Variants in ZNF648 observed in about 807,000 individuals in gnomAD.
ZNF648 encodes the protein zinc finger protein 648.
A neutral mutation model predicts 0.3 loss-of-function variants in ZNF648; 1 was observed. The observed-to-expected ratio is 3.90, with a 90% CI of 1.39 to 18.51. ZNF648 has a LOEUF of 18.51. ZNF648 is among the 30% of genes most tolerant of loss of function. The probability of loss-of-function intolerance (pLI) is 0.11; values close to 1 mark genes in which losing one functional copy is unlikely to be tolerated. For synonymous variants in ZNF648, 376 were observed against 326.8 expected, an observed-to-expected ratio of 1.15 and a Z score of -1.62; for missense variants, 874 against 769.7, an observed-to-expected ratio of 1.14 and a Z score of -1.60.
In ZNF648 at chr1:182,057,517, G is replaced by A. The variant is rs1392292361; in HGVS notation, c.494C>T (p.Pro165Leu). ...ATACTTTCCATTGCTGGGGAAGCTG[G>A]GTGGGACATCCAAGACTGCGTCCTG... Reference protein sequence around the residue: ...ANQDAVLDVPPSFPSNGKYLC... With the variant: ...ANQDAVLDVPLSFPSNGKYLC... Residue 165 changes from proline to leucine, a missense_variant, in exon 2 of 2, where the codon CCC becomes CTC. Transcript: ENST00000339948. 4 of 1,614,202 alleles carry A rather than the reference G, an allele frequency of 2.5e-6. No individual in the cohort carries two copies. The highest frequency in any genetic ancestry group is 3.3e-5 in the Admixed American group (2 of 60,028).
upstream of ZNF648, among the ~76,000 whole-genome samples, chr1:182,065,444 G>GACAGCCTGT (rs1666086424): frequency 6.6e-6 from 1 of 152,154 alleles, no homozygotes; most frequent in Non-Finnish European, 1.5e-5. Context: ...ATTCAGCCTG[G>GACAGCCTGT]ACAGCCTGTT....
chr1:182,061,340 G>A (rs1213155259), intron 1 of ZNF648, among the ~76,000 whole-genome samples: 4 of 152,216 alleles, frequency 2.6e-5, no homozygotes, highest in Admixed American at 2.0e-4. Flanking sequence ...CCAGCCAAGA[G>A]TGGACCAAAT....
In ZNF648 at chr1:182,057,129, G is replaced by A. The variant is rs149285182; in HGVS notation, c.882C>T (p.Leu294=). The A allele has an allele frequency of 1.4e-5, 23 of 1,606,370 alleles. No homozygotes were observed. Among genetic ancestry groups the A allele is most frequent in the Non-Finnish European group, 1.9e-5 (23 of 1,179,660 alleles). The change falls in exon 2 of 2, where the codon CTC becomes CTT. Residue 294 remains leucine, a synonymous_variant. Transcript: ENST00000339948. ...CCGTGTGCAGGCGCCTGTGCTGCTG[G>A]AGTGTGCCGCGGTGGGAGTAGGCCT... is the stretch of plus-strand genomic sequence containing the variant. The part of the protein sequence containing the change: ...CGKAYSHRGT[L]QQHRRLHTGE...
upstream of ZNF648, among the ~76,000 whole-genome samples, chr1:182,065,402 A>G (rs1270473014): frequency 1.3e-5 from 2 of 152,198 alleles, no homozygotes; most frequent in African/African-American, 4.8e-5. Context: ...GGTTCCCACT[A>G]AGTGCCTGCA....
Position 182,057,328 on chromosome 1 carries a change from C to G in ZNF648, c.683G>C (p.Arg228Pro). 1 of 1,608,188 alleles carries G rather than the reference C, an allele frequency of 6.2e-7. No homozygotes were observed. ...SLAAAVLAKA[R>P]NSRKVQNQAG... ...CTGGTTCTGTACTTTCCTGCTGTTC[C>G]GCGCTTTTGCCAGGACCGCGGCAGC... Residue 228 changes from arginine to proline, a missense_variant, in exon 2 of 2, where the codon CGG (arginine) becomes CCG (proline). Arg to Pro is a moderately radical substitution (Grantham distance 103). Transcript: ENST00000339948.
the ZNF648 span, among the ~76,000 whole-genome samples, chr1:182,067,233 G>C: frequency 5.9e-5 from 9 of 152,198 alleles, no homozygotes; most frequent in Non-Finnish European, 1.0e-4. Flanking sequence ...GCACAGTGTA[G>C]TGATGGAGCA....
chr1:182,068,588 A>C, the ZNF648 span, among the ~76,000 whole-genome samples: 1 of 152,200 alleles, frequency 6.6e-6, no homozygotes, highest in Non-Finnish European at 1.5e-5. Context: ...ACAGTTGAAA[A>C]ACATTGTACA....
upstream of ZNF648, among the ~76,000 whole-genome samples, chr1:182,065,592 T>C (rs1225736559): frequency 6.6e-6 from 1 of 152,178 alleles, no homozygotes; most frequent in Non-Finnish European, 1.5e-5. Flanking sequence ...TGGTATGGGA[T>C]AGTCCACCTA....
upstream of ZNF648, chr1:182,064,538 C>G (rs1474365774): frequency 6.6e-6 from 1 of 152,128 alleles, no homozygotes; most frequent in East Asian, 1.9e-4. Flanking sequence ...GTCTCTGAGT[C>G]TGAATATCTG....
intron 1 of ZNF648, 113 bp from the exon 2 acceptor site, chr1:182,058,186 A>G: frequency 1.3e-6 from 1 of 741,070 alleles, no homozygotes; most frequent in African/African-American, 1.8e-5. Flanking sequence ...TCTCCATGTC[A>G]GGCATATTGT....
chr1:182,058,043 GAGGAGGAGTATCCTGCTTGGCTC>G lies in ZNF648; in HGVS notation c.-56_-34del. 1 of 1,556,690 alleles carries G rather than the reference GAGGAGGAGTATCCTGCTTGGCTC, an allele frequency of 6.4e-7. No individual in the cohort carries two copies. Among genetic ancestry groups the G allele is most frequent in the Non-Finnish European group, 8.6e-7 (1 of 1,156,698 alleles). ...AGGCGCTTCTATTGCCTACTCCTCT[GAGGAGGAGTATCCTGCTTGGCTC>G]AGGATACCTGCAAAAAGAAAAGTAC... On this transcript the variant is annotated 5_prime_UTR_variant, in exon 2 of 2. Coordinates refer to ENST00000339948, the MANE Select transcript of ZNF648 (RefSeq NM_001009992.1).
rs1297750777 is a variant in ZNF648 at position 182,055,052 on chromosome 1, A to G, written c.*1252T>C. ...AAAGGGCACTATACCTTCTTATGGA[A>G]TATCTTATTTAACTTCAGTAAGATG... is the stretch of plus-strand genomic sequence containing the variant. On this transcript the variant is annotated 3_prime_UTR_variant, in exon 2 of 2. Coordinates refer to ENST00000339948, the MANE Select transcript of ZNF648 (RefSeq NM_001009992.1). The surrounding 1 kb of genome is among the most constrained non-coding windows in gnomAD (Gnocchi z 4.1). The G allele has an allele frequency of 6.6e-6, 1 of 152,230 alleles. No homozygotes were observed. The highest frequency in any genetic ancestry group is 2.4e-5 in the African/African-American group (1 of 41,470). The allele number at this position is 152,230 out of a possible 1,614,324, so 9.4% of individuals were successfully genotyped here. A position where few individuals can be genotyped will look rare whatever the true frequency, so the allele number is the denominator to read the frequency against.
the ZNF648 span, among the ~76,000 whole-genome samples, chr1:182,069,582 T>C: frequency 6.6e-6 from 1 of 152,174 alleles, no homozygotes; most frequent in Admixed American, 6.5e-5. Flanking sequence ...ACAGTAAGCA[T>C]GTCTATTCTT....
At position 182,056,473 on chromosome 1, in the gene ZNF648, A is replaced by G; in HGVS notation, c.1538T>C (p.Phe513Ser). ...GFLCAECGRA[F>S]RIASELAQHI... ...CTGGGCCAACTCAGAGGCAATGCGG[A>G]AGGCCCTGCCGCACTCGGCACAGAG... is the stretch of plus-strand genomic sequence containing the variant. Residue 513 changes from phenylalanine (F) to serine (S), a missense_variant, in exon 2 of 2, where the codon TTC (phenylalanine) becomes TCC (serine). Phe to Ser is a radical substitution (Grantham distance 155). Transcript: ENST00000339948. 3.7e-6 allele frequency: 6 copies of G among 1,613,962 alleles called. No homozygotes were observed. Among genetic ancestry groups the G allele is most frequent in the Non-Finnish European group, 5.1e-6 (6 of 1,179,918 alleles).
rs143564924 is a variant in ZNF648 at position 182,057,765 on chromosome 1, A to G, written c.246T>C (p.Ser82=). The change falls in exon 2 of 2, where the codon TCT becomes TCC. Residue 82 remains serine (S), a synonymous_variant. Coordinates refer to ENST00000339948, the MANE Select transcript of ZNF648 (RefSeq NM_001009992.1). ...CCATGCCCCCAGCACTGGAGGAGTCAGAGAATTTCTCTTCCTCTTTGCCCA... is the reference window on the plus strand; with the variant it reads ...CCATGCCCCCAGCACTGGAGGAGTCGGAGAATTTCTCTTCCTCTTTGCCCA... ...HPLGKEEEKF[S]DSSSAGGMGQ... 4.3e-5 allele frequency: 70 copies of G among 1,614,206 alleles called. No individual in the cohort carries two copies. The African/African-American group carries it at 6.7e-4, about 15-fold the overall frequency.
In ZNF648 at chr1:182,057,587, C is replaced by T; in HGVS notation, c.424G>A (p.Gly142Arg). The T allele has an allele frequency of 6.2e-7, 1 of 1,614,228 alleles. No individual in the cohort carries two copies. Among genetic ancestry groups the T allele is most frequent in the Non-Finnish European group, 8.5e-7 (1 of 1,180,042 alleles). ...TCATCACCCGCAGGTAGTCGGTCCCCAAGAGGTTGCATCTGACCTAACAAT... is the reference window on the plus strand; with the variant it reads ...TCATCACCCGCAGGTAGTCGGTCCCTAAGAGGTTGCATCTGACCTAACAAT... ...HKLLGQMQPL[G>R]DRLPAGDDGY... The change falls in exon 2 of 2, where the codon GGG becomes AGG. Residue 142 changes from glycine (G) to arginine (R), a missense_variant. Gly to Arg is a moderately radical substitution (Grantham distance 125). Coordinates refer to ENST00000339948, the MANE Select transcript of ZNF648 (RefSeq NM_001009992.1).
In ZNF648 at chr1:182,057,460, G is replaced by C. The variant is rs920407132; in HGVS notation, c.551C>G (p.Ala184Gly). 3 of 1,614,224 alleles carry C rather than the reference G, an allele frequency of 1.9e-6. No homozygotes were observed. The highest frequency in any genetic ancestry group is 2.5e-6 in the Non-Finnish European group (3 of 1,180,042). ...LCAHKSVDTS[A>G]GNSSLLCFPR... Reference sequence around the variant, plus strand: ...GAAACACAACAGAGAAGAGTTCCCTGCGGACGTGTCTACACTTTTGTGCGC... The same window carrying C: ...GAAACACAACAGAGAAGAGTTCCCTCCGGACGTGTCTACACTTTTGTGCGC... Residue 184 changes from alanine to glycine, a missense_variant, in exon 2 of 2, where the codon GCA becomes GGA. By Grantham distance (60) the Ala-to-Gly change is moderately conservative. Coordinates refer to ENST00000339948, the MANE Select transcript of ZNF648 (RefSeq NM_001009992.1).
At chr1:182,069,515 C>T in the ZNF648 span, among the ~76,000 whole-genome samples, 1 of 152,198 alleles carries the variant, frequency 6.6e-6, no homozygotes, top group African/African-American at 2.4e-5. Flanking sequence ...CGGCATCCCT[C>T]TGTAGGTGTG....
the ZNF648 span, among the ~76,000 whole-genome samples, chr1:182,068,898 A>G: frequency 9.6e-6 from 1 of 103,892 alleles, no homozygotes; most frequent in Non-Finnish European, 2.0e-5. Flanking sequence ...GCTGGGCAAC[A>G]GAGTGAGACC....
Sources: gnomAD v4.1 joint callset for allele counts (sites outside exome capture counted in the v4.1 genomes callset) on GRCh38, gnomAD v4.1.1 for gene constraint, Gnocchi (gnomAD v3.1) non-coding constraint, MANE v1.5 for transcripts, NCBI Gene and HGNC (gene_info 2026-07-23, HGNC 2026-07-21) for gene names.